Variants in SMC2 observed in about 807,000 individuals in gnomAD.
The protein encoded by SMC2 is structural maintenance of chromosomes 2.
SMC2 carries 41 observed loss-of-function variants against 142.6 expected under a neutral mutation model. The ratio of observed to expected loss-of-function variants is 0.29; its 90% CI spans 0.22 to 0.37. The LOEUF is 0.37. SMC2 is among the 10% of genes least tolerant of loss of function. SMC2 has a pLI of 1.00. For missense variants in SMC2, 1,265 were observed against 1,373.7 expected (o/e 0.92, Z 1.25); for synonymous variants, 463 against 457.5 (o/e 1.01, Z -0.15).
At chr9:104,092,069 C>A (rs1466278828), upstream of SMC2, 2 of 152,238 alleles carry the variant, frequency 1.3e-5, no homozygotes, top group Non-Finnish European at 2.9e-5. Flanking sequence ...TGGCTTTGTG[C>A]CTTGGTTTTT....
At chr9:104,110,085 G>A (rs1485814278) in intron 9 of SMC2, among the ~76,000 whole-genome samples, 1 of 152,154 alleles carries the variant, frequency 6.6e-6, no homozygotes, top group Non-Finnish European at 1.5e-5. Flanking sequence ...CCAGTAAGTT[G>A]CAGAGCTCAG....
intron 20 of SMC2, among the ~76,000 whole-genome samples, chr9:104,128,369 A>G (rs1409188952): frequency 6.6e-6 from 1 of 152,188 alleles, no homozygotes; most frequent in East Asian, 1.9e-4. Context: ...ACCAATGGCA[A>G]TGTTACTGCT....
intron 11 of SMC2, 94 bp downstream of exon 11, chr9:104,113,569 C>A: frequency 1.0e-6 from 1 of 967,500 alleles, no homozygotes; most frequent in Non-Finnish European, 1.5e-6. Flanking sequence ...AAGTAGGAAA[C>A]ATTTCTTAGC....
upstream of SMC2, among the ~76,000 whole-genome samples, chr9:104,089,613 T>C (rs957101692): frequency 5.9e-5 from 9 of 152,032 alleles, no homozygotes; most frequent in Non-Finnish European, 1.3e-4. Context: ...AAGAAACGAA[T>C]ATAAAACAAG....
chr9:104,131,667 T>G lies in SMC2; in HGVS notation c.2992-342T>G, dbSNP rs1834984015. 1.3e-5 allele frequency among the ~76,000 whole-genome samples: 2 copies of G among 149,966 alleles called. 1 individual carries two copies. Among genetic ancestry groups the G allele is most frequent in the Non-Finnish European group, 3.0e-5 (2 of 67,670 alleles). On this transcript the variant is annotated intron_variant, in intron 21 of 24. Coordinates refer to ENST00000374793, the MANE Select transcript of SMC2 (RefSeq NM_006444.3). ...ATGTAACACTTTTTTTTTTTTTTTT[T>G]GCCTTGGCTGCTAAGGAGATAAGGG...
Position 104,139,444 on chromosome 9 carries a change from A to G in SMC2, c.*129A>G. 1.5e-6 allele frequency: 1 copy of G among 663,616 alleles called. No homozygotes were observed. The highest frequency in any genetic ancestry group is 2.3e-5 in the South Asian group (1 of 42,820). 41.1% of individuals were successfully genotyped at this position (663,616 alleles called of 1,614,324 possible). A position where few individuals can be genotyped will look rare whatever the true frequency, so the allele number is the denominator to read the frequency against. ...TACTTAACCCATGTTTTCTCTTTATATAATCACTTATCGCTTACAAATGAG... is the reference window on the plus strand; with the variant it reads ...TACTTAACCCATGTTTTCTCTTTATGTAATCACTTATCGCTTACAAATGAG... On this transcript the variant is annotated 3_prime_UTR_variant, in exon 25 of 25. Transcript: ENST00000374793.
At chr9:104,107,399 G>A (rs952881973) in intron 9 of SMC2, among the ~76,000 whole-genome samples, 1 of 152,184 alleles carries the variant, frequency 6.6e-6, no homozygotes, top group African/African-American at 2.4e-5. Context: ...ATAGACTGCA[G>A]TCAGCATGCA....
chr9:104,088,701 C>T, the SMC2 span, among the ~76,000 whole-genome samples: 1 of 152,290 alleles, frequency 6.6e-6, no homozygotes, highest in East Asian at 1.9e-4. Flanking sequence ...CATTTATCTT[C>T]TGTGCCATTG....
At chr9:104,100,292 T>C (rs1564069853) in intron 6 of SMC2, 89 bp downstream of exon 6, 1 of 1,389,286 alleles carries the variant, frequency 7.2e-7, no homozygotes, top group Non-Finnish European at 9.9e-7. Flanking sequence ...TTTTTTTCCT[T>C]GGTTCAGTTT....
intron 9 of SMC2, among the ~76,000 whole-genome samples, 154 bp from the exon 10 acceptor site, chr9:104,111,427 G>A (rs1832433080): frequency 6.6e-6 from 1 of 152,108 alleles, no homozygotes; most frequent in Non-Finnish European, 1.5e-5. Context: ...ATTTCAAAAT[G>A]ATAATTCAGT....
chr9:104,137,806 C>T (rs994970399), intron 23 of SMC2, among the ~76,000 whole-genome samples: 4 of 147,132 alleles, frequency 2.7e-5, no homozygotes, highest in South Asian at 2.1e-4. Flanking sequence ...AGCATGCTTC[C>T]GAAAAGAGGA....
At chr9:104,112,527 G>T (rs1463045311) in intron 10 of SMC2, among the ~76,000 whole-genome samples, 2 of 150,352 alleles carry the variant, frequency 1.3e-5, no homozygotes, top group Non-Finnish European at 2.9e-5. Context: ...TTAATCCTCA[G>T]GTTTTTCTCT....
intron 18 of SMC2, among the ~76,000 whole-genome samples, chr9:104,125,763 G>A (rs59482668): frequency 0.057 from 8,600 of 152,184 alleles, 640 homozygotes; most frequent in African/African-American, 0.18. Context: ...ATGATACTTT[G>A]TTATATCTTT....
At chr9:104,088,364 G>A in the SMC2 span, among the ~76,000 whole-genome samples, 2 of 151,944 alleles carry the variant, frequency 1.3e-5, no homozygotes, top group Admixed American at 6.6e-5. Context: ...TATCTACTAT[G>A]TGACAAGCAC....
At chr9:104,129,090 TGG>T in intron 20 of SMC2, among the ~76,000 whole-genome samples, 1 of 152,344 alleles carries the variant, frequency 6.6e-6, no homozygotes, top group Non-Finnish European at 1.5e-5. Flanking sequence ...CTCTGTGAGT[TGG>T]CTCTTCTAAT....
In SMC2 at chr9:104,139,431, G is replaced by A; in HGVS notation, c.*116G>A. ...AATGTTACTGTGTTACTTAACCCAT[G>A]TTTTCTCTTTATATAATCACTTATC... On this transcript the variant is annotated 3_prime_UTR_variant, in exon 25 of 25. Coordinates refer to ENST00000374793, the MANE Select transcript of SMC2 (RefSeq NM_006444.3). The A allele has an allele frequency of 1.3e-6, 1 of 777,322 alleles. No homozygotes were observed. Among genetic ancestry groups the A allele is most frequent in the Non-Finnish European group, 2.0e-6 (1 of 506,178 alleles). 48.2% of individuals were successfully genotyped at this position (777,322 alleles called of 1,614,324 possible).
At chr9:104,113,925 T>A (rs780521445) in intron 11 of SMC2, 39 bp from the exon 12 acceptor site, 1 of 1,324,008 alleles carries the variant, frequency 7.6e-7, no homozygotes, top group Non-Finnish European at 1.0e-6. Flanking sequence ...GAGTGAGCTT[T>A]TAAAACTTGG....
chr9:104,127,035 T>TTGCAGCATGAGCG (rs1394432952), intron 19 of SMC2, among the ~76,000 whole-genome samples: 5 of 152,084 alleles, frequency 3.3e-5, no homozygotes, highest in African/African-American at 9.7e-5. Context: ...ACGCTCTCAT[T>TTGCAGCATGAGCG]TGCAGCATGA....
At position 104,134,593 on chromosome 9, in the gene SMC2, T is replaced by TATACTATAA. The variant is rs1554708613; in HGVS notation, c.3269+21_3269+22insCTATAAATA. ...GGTCAGAGGTGAGGAATCACTTTGCTATATTATAATTTTCATTCCTCTTTA... is the reference window on the plus strand; with the variant it reads ...GGTCAGAGGTGAGGAATCACTTTGCTATACTATAAATATTATAATTTTCATTCCTCTTTA... On this transcript the variant is annotated intron_variant, in intron 23 of 24. Transcript: ENST00000374793. 20 of 1,458,176 alleles carry TATACTATAA rather than the reference T, an allele frequency of 1.4e-5. No homozygotes were observed. The highest frequency in any genetic ancestry group is 2.1e-5 in the Admixed American group (1 of 48,308). 90.3% of individuals were successfully genotyped at this position (1,458,176 alleles called of 1,614,324 possible). A position where few individuals can be genotyped will look rare whatever the true frequency, so the allele number is the denominator to read the frequency against.
Sources: gnomAD v4.1 joint callset for allele counts (sites outside exome capture counted in the v4.1 genomes callset) on GRCh38, gnomAD v4.1.1 for gene constraint, MANE v1.5 for transcripts, NCBI Gene and HGNC (gene_info 2026-07-23, HGNC 2026-07-21) for gene names.